The following PTGIR variants were observed in gnomAD, a reference collection of about 807,000 sequenced individuals.
PTGIR encodes prostaglandin I2 receptor.
A neutral mutation model predicts 17.6 loss-of-function variants in PTGIR; 16 were observed. The ratio of observed to expected loss-of-function variants is 0.91; its 90% confidence interval spans 0.61 to 1.38. The LOEUF (loss-of-function observed/expected upper bound fraction) is 1.38, where lower values mean the gene tolerates loss of function less well. Among genes scored for constraint, PTGIR ranks in the 40% most tolerant of loss-of-function variants. The probability of loss-of-function intolerance (pLI) is 0.00; values close to 1 mark genes in which losing one functional copy is unlikely to be tolerated. For missense variants in PTGIR, 532 were observed against 548.6 expected (o/e 0.97, Z 0.30); for synonymous variants, 274 against 255.4 (o/e 1.07, Z -0.69).
At chr19:46,615,363 T>G in the PTGIR span, among the ~76,000 whole-genome samples, 2 of 152,182 alleles carry the variant, frequency 1.3e-5, no homozygotes, top group Non-Finnish European at 2.9e-5. Context: ...ATAAGGAACT[T>G]GAGCATCCAC....
the PTGIR span, among the ~76,000 whole-genome samples, chr19:46,613,429 C>T: frequency 1.3e-5 from 2 of 150,088 alleles, no homozygotes; most frequent in South Asian, 4.3e-4. Flanking sequence ...TTCCGCCTCC[C>T]AGGTTCAAGC....
At chr19:46,614,522 G>A in the PTGIR span, 1 of 749,976 alleles carries the variant, frequency 1.3e-6, no homozygotes, top group Admixed American at 6.3e-5. Flanking sequence ...CCCAGACTAG[G>A]GCAGGCGCCT....
Position 46,621,092 on chromosome 19 carries a change from G to A in PTGIR, c.*188C>T, listed in dbSNP as rs1000784657. On this transcript the variant is annotated 3_prime_UTR_variant, in exon 3 of 3. Transcript: ENST00000291294. This position sits in a 1 kb window ranked among gnomAD's most constrained non-coding sequence, Gnocchi z 4.8. ...ATTCTTTCTGCACTCCAGGATAAAC[G>A]TTTCCTCTGTCCCTCACTCTCTTCC... 7.1e-6 allele frequency: 9 copies of A among 1,276,218 alleles called. No homozygotes were observed. The highest frequency in any genetic ancestry group is 4.6e-5 in the African/African-American group (3 of 65,388). The allele number at this position is 1,276,218 out of a possible 1,614,324, so 79.1% of individuals were successfully genotyped here.
At chr19:46,612,067 G>A in the PTGIR span, among the ~76,000 whole-genome samples, 4 of 152,236 alleles carry the variant, frequency 2.6e-5, no homozygotes, top group African/African-American at 7.2e-5. Flanking sequence ...CATTGGGAGT[G>A]GCAGGCCATT....
the PTGIR span, chr19:46,614,479 C>G: frequency 6.2e-6 from 6 of 965,770 alleles, no homozygotes; most frequent in Non-Finnish European, 7.4e-6. Flanking sequence ...CCTTGAGTCC[C>G]CCGTTCCCAG....
In PTGIR at chr19:46,621,532, G is replaced by C; in HGVS notation, c.909C>G (p.Leu303=). ...ILFRKAVFQR[L]KLWVCCLCLG... ...GGCACAGGCAGCAGACCCAGAGCTTGAGTCGCTGGAAGACAGCCTTGCGGA... is the reference window on the plus strand; with the variant it reads ...GGCACAGGCAGCAGACCCAGAGCTTCAGTCGCTGGAAGACAGCCTTGCGGA... Residue 303 remains leucine (L), a synonymous_variant, in exon 3 of 3, where the codon CTC becomes CTG. Transcript: ENST00000291294. The surrounding 1 kb of genome is among the most constrained non-coding windows in gnomAD (Gnocchi z 4.8). 6.2e-7 allele frequency: 1 copy of C among 1,614,192 alleles called. No homozygotes were observed. Among genetic ancestry groups the C allele is most frequent in the South Asian group, 1.1e-5 (1 of 91,086 alleles).
the PTGIR span, among the ~76,000 whole-genome samples, chr19:46,614,017 A>G: frequency 6.6e-6 from 1 of 152,238 alleles, no homozygotes; most frequent in African/African-American, 2.4e-5. Context: ...TATTAATCAA[A>G]GACAAATAGA....
rs2052734351 is a variant in PTGIR at position 46,621,995 on chromosome 19, C to G, written c.769-323G>C. ...GAAGGTGGCGCCACCCGGCTGGGCC[C>G]CCTGAAACTGCCGCAGAGCTGCGGT... On this transcript the variant is annotated intron_variant, in intron 2 of 2. Coordinates refer to ENST00000291294, the MANE Select transcript of PTGIR (RefSeq NM_000960.4). This position sits in a 1 kb window ranked among gnomAD's most constrained non-coding sequence, Gnocchi z 4.8. The G allele has an allele frequency of 1.0e-6, 1 of 985,284 alleles. No individual in the cohort carries two copies. Among genetic ancestry groups the G allele is most frequent in the African/African-American group, 1.7e-5 (1 of 57,248 alleles). 61.0% of individuals were successfully genotyped at this position (985,284 alleles called of 1,614,324 possible).
chr19:46,624,885 C>T (rs1173830555), intron 1 of PTGIR, 112 bp downstream of exon 1: 1 of 152,688 alleles, frequency 6.5e-6, no homozygotes, highest in Non-Finnish European at 1.5e-5. Flanking sequence ...TGATATCTCC[C>T]TGTCTCTGTC....
rs767465832 is a variant in PTGIR at position 46,624,183 on chromosome 19, C to A, written c.43G>T (p.Val15Leu). ...ATCAGGGTGCTGGTGGCCGGCCCCA[C>A]CGAGCCCCGCACGTAGGTGAGGTTC... Reference protein sequence around the residue: ...CRNLTYVRGSVGPATSTLMFV... With the variant: ...CRNLTYVRGSLGPATSTLMFV... Residue 15 changes from valine (V) to leucine (L), a missense_variant, in exon 2 of 3, where the codon GTG becomes TTG. Physicochemically the swap from Val to Leu is conservative, Grantham distance 32. Coordinates refer to ENST00000291294, the MANE Select transcript of PTGIR (RefSeq NM_000960.4). The A allele has an allele frequency of 2.0e-6, 3 of 1,484,212 alleles. No individual in the cohort carries two copies. In the South Asian group the frequency reaches 4.0e-5, roughly 20 times the overall value. The allele number at this position is 1,484,212 out of a possible 1,614,324, so 91.9% of individuals were successfully genotyped here. A position where few individuals can be genotyped will look rare whatever the true frequency, so the allele number is the denominator to read the frequency against.
At chr19:46,618,164 G>A (rs541491632), downstream of PTGIR, among the ~76,000 whole-genome samples, 28 of 151,998 alleles carry the variant, frequency 1.8e-4, no homozygotes, top group Admixed American at 1.0e-3. Context: ...ACAGGCGCCC[G>A]CCACCACGCC....
chr19:46,612,162 A>G, the PTGIR span, among the ~76,000 whole-genome samples: 1 of 152,222 alleles, frequency 6.6e-6, no homozygotes, highest in African/African-American at 2.4e-5. Context: ...ACGGTAGAGT[A>G]TAGTGGATAA....
downstream of PTGIR, among the ~76,000 whole-genome samples, chr19:46,619,539 AAGAAAGAAAGAGAGAGAG>A (rs1281289266): frequency 6.1e-4 from 40 of 65,546 alleles, no homozygotes; most frequent in African/African-American, 2.1e-3. Flanking sequence ...GAAAGAAAGA[AAGAAAGAAAGAGAGAGAG>A]AGAGAGAGAG....
chr19:46,617,512 G>A (rs543269258), downstream of PTGIR, among the ~76,000 whole-genome samples: 9 of 152,298 alleles, frequency 5.9e-5, no homozygotes, highest in South Asian at 4.1e-4. Flanking sequence ...CAGCTTCTAC[G>A]TTGCATCCTC....
downstream of PTGIR, among the ~76,000 whole-genome samples, chr19:46,619,089 C>A (rs1351987861): frequency 6.6e-6 from 1 of 152,112 alleles, no homozygotes; most frequent in Admixed American, 6.6e-5. Flanking sequence ...CAAAAGGAAA[C>A]CAAGGTGTCC....
At chr19:46,619,552 AGAGAGAGAGAGAG>A (rs1972017099), downstream of PTGIR, among the ~76,000 whole-genome samples, 60 of 71,048 alleles carry the variant, frequency 8.4e-4, no homozygotes, top group African/African-American at 3.2e-3. Context: ...AAAGAAAGAG[AGAGAGAGAGAGAG>A]AGAGAGAGAG....
chr19:46,624,151 C>A lies in PTGIR; in HGVS notation c.75G>T (p.Val25=). The change falls in exon 2 of 3, where the codon GTG becomes GTT. Residue 25 remains valine, a synonymous_variant. Transcript: ENST00000291294. The stretch of plus-strand genomic sequence containing the variant: ...CCAGCCCGTTGCCCACCACACCGGC[C>A]ACGAACATCAGGGTGCTGGTGGCCG... ...VGPATSTLMF[V]AGVVGNGLAL... is the part of the protein sequence containing the mutation. The A allele has an allele frequency of 6.6e-7, 1 of 1,524,068 alleles. No homozygotes were observed. Among genetic ancestry groups the A allele is most frequent in the Non-Finnish European group, 8.7e-7 (1 of 1,143,154 alleles). 94.4% of individuals were successfully genotyped at this position (1,524,068 alleles called of 1,614,324 possible). A position where few individuals can be genotyped will look rare whatever the true frequency, so the allele number is the denominator to read the frequency against.
chr19:46,611,508 A>G, the PTGIR span, among the ~76,000 whole-genome samples: 3 of 152,226 alleles, frequency 2.0e-5, no homozygotes, highest in Non-Finnish European at 2.9e-5. Flanking sequence ...AAAGCCCAAA[A>G]CAATTGCAAA....
intron 2 of PTGIR, chr19:46,622,193 G>C: frequency 1.0e-6 from 1 of 985,434 alleles, no homozygotes; most frequent in Non-Finnish European, 1.2e-6. Flanking sequence ...GTGGGTACCA[G>C]GGTCTGTGCC....
Sources: gnomAD v4.1 joint callset for allele counts (sites outside exome capture counted in the v4.1 genomes callset) on GRCh38, gnomAD v4.1.1 for gene constraint, Gnocchi (gnomAD v3.1) non-coding constraint, MANE v1.5 for transcripts, NCBI Gene and HGNC (gene_info 2026-07-23, HGNC 2026-07-21) for gene names.